The following RAPGEF6 variants were observed in gnomAD, a reference collection of about 807,000 sequenced individuals.
RAPGEF6 encodes PDZ domain containing guanine nucleotide exchange factor (GEF) 2.
In RAPGEF6, 56 loss-of-function variants were observed where a neutral mutation model predicts 171.4. That is an observed-to-expected ratio of 0.33 (90% confidence interval 0.26 to 0.41). The LOEUF (loss-of-function observed/expected upper bound fraction) is 0.41, where lower values mean the gene tolerates loss of function less well. RAPGEF6 is among the 10% of genes least tolerant of loss of function. The pLI, the probability that RAPGEF6 is intolerant of heterozygous loss-of-function variation, is 1.00. For missense variants in RAPGEF6, 1,674 were observed against 1,921.4 expected, an observed-to-expected ratio of 0.87 and a Z score of 2.41; for synonymous variants, 692 against 650.1, an observed-to-expected ratio of 1.06 and a Z score of -0.98.
At chr5:131,451,648 G>A (rs1172634087) in intron 21 of RAPGEF6, among the ~76,000 whole-genome samples, 7 of 152,072 alleles carry the variant, frequency 4.6e-5, no homozygotes, top group Non-Finnish European at 8.8e-5. Context: ...AAAACCCAGT[G>A]TATCACTGGT....
chr5:131,595,138 T>A (rs1456835073), intron 3 of RAPGEF6, among the ~76,000 whole-genome samples: 1 of 152,146 alleles, frequency 6.6e-6, no homozygotes, highest in South Asian at 2.1e-4. Context: ...TCATGTTGAA[T>A]TGTAATCCTC....
intron 25 of RAPGEF6, among the ~76,000 whole-genome samples, chr5:131,432,345 G>A (rs538784468): frequency 4.1e-4 from 62 of 152,266 alleles, no homozygotes; most frequent in Non-Finnish European, 6.3e-4. Context: ...TTGGCTGGGC[G>A]TGGTGGCTCA....
Position 131,510,441 on chromosome 5 carries a change from T to C in RAPGEF6, c.678A>G (p.Gly226=). The change falls in exon 8 of 28, where the codon GGA becomes GGG. Residue 226 remains glycine, a synonymous_variant. Coordinates refer to ENST00000509018, the MANE Select transcript of RAPGEF6 (RefSeq NM_016340.6). Reference sequence around the variant, plus strand: ...CTTCGTCATCCTCAGAATCAACAGGTCCTTCTGGAAGACGTGTCAAATCTA... The same window carrying C: ...CTTCGTCATCCTCAGAATCAACAGGCCCTTCTGGAAGACGTGTCAAATCTA... ...GDVDLTRLPE[G]PVDSEDDEEE... is the part of the protein sequence containing the mutation. The C allele has an allele frequency of 6.2e-7, 1 of 1,614,074 alleles. No individual in the cohort carries two copies.
chr5:131,540,887 G>GGCGT (rs1312990374), intron 6 of RAPGEF6, among the ~76,000 whole-genome samples: 10 of 152,102 alleles, frequency 6.6e-5, no homozygotes, highest in African/African-American at 2.4e-4. Flanking sequence ...TCACAGGCTG[G>GGCGT]GCGTGGTGGC....
chr5:131,518,550 A>G (rs1020399787), intron 7 of RAPGEF6, among the ~76,000 whole-genome samples: 1 of 151,970 alleles, frequency 6.6e-6, no homozygotes, highest in Non-Finnish European at 1.5e-5. Flanking sequence ...GGCATGCTCC[A>G]TCACCCCAGC....
At chr5:131,491,702 G>C (rs1580909672) in intron 14 of RAPGEF6, among the ~76,000 whole-genome samples, 1 of 152,156 alleles carries the variant, frequency 6.6e-6, no homozygotes, top group East Asian at 1.9e-4. Context: ...GCAAATGCAA[G>C]GGATCTAGGG....
Position 131,635,084 on chromosome 5 carries a change from A to C in RAPGEF6, c.-54T>G. 17 of 1,533,092 alleles carry C rather than the reference A, an allele frequency of 1.1e-5. No homozygotes were observed. Among genetic ancestry groups the C allele is most frequent in the African/African-American group, 1.4e-5 (1 of 73,094 alleles). 95.0% of individuals were successfully genotyped at this position (1,533,092 alleles called of 1,614,324 possible). A position where few individuals can be genotyped will look rare whatever the true frequency, so the allele number is the denominator to read the frequency against. On this transcript the variant is annotated 5_prime_UTR_variant, in exon 1 of 28. The change abolishes an upstream ATG in the 5' untranslated region. Coordinates refer to ENST00000509018, the MANE Select transcript of RAPGEF6 (RefSeq NM_016340.6). ...CCCTTAGCAGCCCACGCCACAGTTC[A>C]TTCACACTAGGTAGCGGGTGCGGTA...
chr5:131,481,311 G>A (rs1415260529), intron 15 of RAPGEF6, among the ~76,000 whole-genome samples: 2 of 151,724 alleles, frequency 1.3e-5, no homozygotes, highest in Non-Finnish European at 2.9e-5. Context: ...CTGCAGCCTG[G>A]ACCTCCCTAA....
intron 17 of RAPGEF6, among the ~76,000 whole-genome samples, chr5:131,468,288 C>T (rs1015531081): frequency 9.2e-5 from 13 of 141,726 alleles, no homozygotes; most frequent in Admixed American, 2.2e-4. Context: ...GCCAAGATCG[C>T]GCCACTGCAC....
intron 3 of RAPGEF6, among the ~76,000 whole-genome samples, chr5:131,594,678 G>A (rs773567085): frequency 9.2e-5 from 14 of 152,234 alleles, no homozygotes; most frequent in Non-Finnish European, 1.9e-4. Flanking sequence ...GTACCCTGCA[G>A]AGCCACAGGG....
At chr5:131,624,049 G>C (rs138881581) in intron 1 of RAPGEF6, among the ~76,000 whole-genome samples, 92 of 152,312 alleles carry the variant, frequency 6.0e-4, no homozygotes, top group African/African-American at 2.1e-3. Flanking sequence ...AGCTTTCAGT[G>C]AAGAATCAGA....
At chr5:131,453,487 A>C (rs1753249381) in intron 20 of RAPGEF6, among the ~76,000 whole-genome samples, 1 of 152,162 alleles carries the variant, frequency 6.6e-6, no homozygotes, top group African/African-American at 2.4e-5. Context: ...GCACTTTGGA[A>C]GGCCGAGGCA....
At chr5:131,602,929 CACCAAAAGATTCTCTCTAT>C (rs1561598464) in intron 3 of RAPGEF6, among the ~76,000 whole-genome samples, 1 of 152,138 alleles carries the variant, frequency 6.6e-6, no homozygotes, top group Non-Finnish European at 1.5e-5. Flanking sequence ...AAAAAAGCAT[CACCAAAAGATTCTCTCTAT>C]ACCAAGTTCA....
At chr5:131,623,919 C>G (rs1299756510) in intron 1 of RAPGEF6, among the ~76,000 whole-genome samples, 2 of 152,126 alleles carry the variant, frequency 1.3e-5, no homozygotes, top group African/African-American at 4.8e-5. Flanking sequence ...GAGAAATATG[C>G]AAGTAATCAT....
At chr5:131,583,498 A>G (rs1763082391) in intron 4 of RAPGEF6, among the ~76,000 whole-genome samples, 1 of 152,184 alleles carries the variant, frequency 6.6e-6, no homozygotes, top group Admixed American at 6.5e-5. Flanking sequence ...TAACTTAAAC[A>G]TTCCTTTCTG....
intron 24 of RAPGEF6, among the ~76,000 whole-genome samples, chr5:131,433,988 T>C (rs1340475795): frequency 6.6e-6 from 1 of 152,158 alleles, no homozygotes; most frequent in Non-Finnish European, 1.5e-5. Flanking sequence ...ATAAGAAGAT[T>C]ACAAATATTA....
intron 4 of RAPGEF6, among the ~76,000 whole-genome samples, chr5:131,573,546 T>C (rs748079180): frequency 7.9e-5 from 12 of 152,164 alleles, no homozygotes; most frequent in Non-Finnish European, 4.4e-5. Context: ...GTTTACTTTC[T>C]AGCCCAGTCC....
chr5:131,564,994 A>G (rs1006894378), intron 4 of RAPGEF6, among the ~76,000 whole-genome samples: 1 of 152,090 alleles, frequency 6.6e-6, no homozygotes, highest in Non-Finnish European at 1.5e-5. Flanking sequence ...CAGTACGTAG[A>G]CTGAAAGCAT....
At position 131,464,110 on chromosome 5, in the gene RAPGEF6, C is replaced by A; in HGVS notation, c.2411G>T (p.Gly804Val). The change falls in exon 18 of 28, where the codon GGT (glycine) becomes GTT (valine). Residue 804 changes from glycine to valine, a missense_variant. By Grantham distance (109) the Gly-to-Val change is moderately radical (BLOSUM62 -3). Transcript: ENST00000509018. ...TGGAAGTCTTCTCTGTTTTATGACA[C>A]CCTCAGGAGTAACAGAAACTTCACA... ...SLCEVSVTPE[G>V]VIKQRRLPDQ... 1 of 1,613,698 alleles carries A rather than the reference C, an allele frequency of 6.2e-7. No homozygotes were observed. Among genetic ancestry groups the A allele is most frequent in the Non-Finnish European group, 8.5e-7 (1 of 1,179,806 alleles).
Sources: allele counts gnomAD v4.1 joint callset (sites outside exome capture counted in the v4.1 genomes callset), GRCh38; gene constraint gnomAD v4.1.1; transcripts MANE v1.5; gene names NCBI Gene and HGNC (gene_info 2026-07-23, HGNC 2026-07-21).